The following DARS1 variants were observed in gnomAD, a reference collection of about 807,000 sequenced individuals.
The protein encoded by DARS1 is aspartyl-tRNA synthetase 1.
A neutral mutation model predicts 68.8 loss-of-function variants in DARS1; 51 were observed. The observed-to-expected ratio is 0.74, with a 90% confidence interval of 0.59 to 0.94. The LOEUF (loss-of-function observed/expected upper bound fraction) is 0.94, where lower values mean the gene tolerates loss of function less well. Among genes scored for constraint, DARS1 ranks in the 40% least tolerant of loss-of-function variants. The pLI, the probability that DARS1 is intolerant of heterozygous loss-of-function variation, is 0.00. For missense variants in DARS1, 607 were observed against 597.3 expected (o/e 1.02, Z -0.17); for synonymous variants, 203 against 190.4 (o/e 1.07, Z -0.55).
intron 3 of DARS1, among the ~76,000 whole-genome samples, chr2:135,978,142 C>CAAAAAAAAAAAAAAAAAAAA (rs59505882): frequency 1.8e-4 from 10 of 54,718 alleles, no homozygotes; most frequent in Non-Finnish European, 2.5e-4. Context: ...GACTCTGTCT[C>CAAAAAAAAAAAAAAAAAAAA]AAAAAAAAAA....
intron 3 of DARS1, among the ~76,000 whole-genome samples, chr2:135,968,122 T>C (rs1682279392): frequency 6.6e-6 from 1 of 151,970 alleles, no homozygotes; most frequent in Admixed American, 6.6e-5. Flanking sequence ...TAGCTGGATA[T>C]GGTGGTGCAT....
At chr2:135,922,696 C>T (rs967888764) in intron 9 of DARS1, 88 bp downstream of exon 9, 1 of 1,380,550 alleles carries the variant, frequency 7.2e-7, no homozygotes, top group African/African-American at 1.5e-5. Context: ...TTCAAAGTGT[C>T]TGTACATTAT....
At chr2:135,946,655 A>G (rs1330036916) in intron 4 of DARS1, among the ~76,000 whole-genome samples, 2 of 152,160 alleles carry the variant, frequency 1.3e-5, no homozygotes, top group Admixed American at 6.5e-5. Context: ...TCAAGGGTGA[A>G]GGTATAATTT....
chr2:135,971,253 G>C (rs1378505476), intron 3 of DARS1, among the ~76,000 whole-genome samples: 1 of 152,106 alleles, frequency 6.6e-6, no homozygotes, highest in Non-Finnish European at 1.5e-5. Context: ...GTGACCAAGT[G>C]GGATTTATCT....
chr2:135,941,972 T>G (rs1681608660), intron 5 of DARS1, among the ~76,000 whole-genome samples: 1 of 152,178 alleles, frequency 6.6e-6, no homozygotes, highest in African/African-American at 2.4e-5. Flanking sequence ...TCACACCAGT[T>G]AGAATGGCGA....
intron 4 of DARS1, 131 bp downstream of exon 4, chr2:135,961,265 T>C: frequency 1.6e-6 from 1 of 631,054 alleles, no homozygotes; most frequent in Non-Finnish European, 2.8e-6. Context: ...AACACTGAAC[T>C]GACAATTTAA....
chr2:135,931,483 C>T (rs1198075315), intron 7 of DARS1, among the ~76,000 whole-genome samples: 1 of 152,122 alleles, frequency 6.6e-6, no homozygotes, highest in African/African-American at 2.4e-5. Context: ...AGCATTCTTC[C>T]CACCTCAGGC....
At chr2:135,975,912 G>A (rs544747177) in intron 3 of DARS1, among the ~76,000 whole-genome samples, 1 of 152,240 alleles carries the variant, frequency 6.6e-6, no homozygotes, top group East Asian at 1.9e-4. Context: ...TTGCCTCACT[G>A]CACTCCAGCC....
chr2:135,907,656 A>G (rs1261156806), intron 15 of DARS1, among the ~76,000 whole-genome samples: 1 of 152,212 alleles, frequency 6.6e-6, no homozygotes, highest in East Asian at 1.9e-4. Flanking sequence ...TGAACCACAA[A>G]AATCTATACG....
intron 4 of DARS1, among the ~76,000 whole-genome samples, chr2:135,945,294 A>G (rs1303352690): frequency 1.3e-5 from 2 of 151,936 alleles, no homozygotes; most frequent in African/African-American, 4.8e-5. Context: ...TGCCTGGCTA[A>G]TTTTTGTATG....
chr2:135,973,018 C>A (rs1682414274), intron 3 of DARS1, among the ~76,000 whole-genome samples: 1 of 152,070 alleles, frequency 6.6e-6, no homozygotes, highest in Non-Finnish European at 1.5e-5. Flanking sequence ...TTTGGAGGTT[C>A]CTCAAAAAAC....
At chr2:135,917,054 G>A (rs564685657) in intron 10 of DARS1, among the ~76,000 whole-genome samples, 57 of 152,196 alleles carry the variant, frequency 3.7e-4, no homozygotes, top group African/African-American at 1.3e-3. Context: ...GGGTGTGGTC[G>A]GGAGGCTGAG....
intron 3 of DARS1, among the ~76,000 whole-genome samples, chr2:135,963,354 T>C (rs1467603380): frequency 1.3e-5 from 2 of 152,106 alleles, no homozygotes. Context: ...CGGAGCCCAA[T>C]TAATGTTAAC....
intron 7 of DARS1, among the ~76,000 whole-genome samples, chr2:135,925,645 AAAC>A (rs1211248167): frequency 6.6e-5 from 10 of 152,216 alleles, no homozygotes; most frequent in African/African-American, 2.2e-4. Flanking sequence ...GTTTCTCATA[AAAC>A]AATAAAACCA....
At chr2:135,937,151 C>T (rs563825244) in intron 5 of DARS1, among the ~76,000 whole-genome samples, 5 of 152,054 alleles carry the variant, frequency 3.3e-5, no homozygotes, top group African/African-American at 7.2e-5. Context: ...TGCAGTGGTG[C>T]GATCTTGGCT....
At position 135,983,458 on chromosome 2, in the gene DARS1, C is replaced by A; in HGVS notation, c.67-4G>T. The A allele has an allele frequency of 1.8e-6, 2 of 1,109,842 alleles. No individual in the cohort carries two copies. Among genetic ancestry groups the A allele is most frequent in the Admixed American group, 3.8e-5 (2 of 51,980 alleles). The allele number at this position is 1,109,842 out of a possible 1,614,324, so 68.7% of individuals were successfully genotyped here. On this transcript the variant is annotated splice_region_variant and splice_polypyrimidine_tract_variant and intron_variant, in intron 1 of 15. Transcript: ENST00000264161. ...CATATCTCTCTTTAGCATAATCCTA[C>A]AAAAAAAGTTTTTTGCATCGTGACT...
chr2:135,979,457 T>C, intron 2 of DARS1, 91 bp from the exon 3 acceptor site: 1 of 725,600 alleles, frequency 1.4e-6, no homozygotes. Flanking sequence ...ACAGCTAGCA[T>C]AAGTACTTGG....
chr2:135,907,289 A>C lies in DARS1; in HGVS notation c.*27T>G, dbSNP rs1365456989. On this transcript the variant is annotated 3_prime_UTR_variant, in exon 16 of 16. Coordinates refer to ENST00000264161, the MANE Select transcript of DARS1 (RefSeq NM_001349.4). ...GGCAGGGTCTCGCTCTGTCATCCAC[A>C]CTGGAGTTAAGTGGCAAAGTGTGAA... is the stretch of plus-strand genomic sequence containing the variant. 5 of 1,317,810 alleles carry C rather than the reference A, an allele frequency of 3.8e-6. No individual in the cohort carries two copies. The African/African-American group carries it at 6.7e-5, about 18-fold the overall frequency. The allele number at this position is 1,317,810 out of a possible 1,614,324, so 81.6% of individuals were successfully genotyped here.
intron 11 of DARS1, 200 bp from the exon 12 acceptor site, chr2:135,914,711 T>C: frequency 1.9e-6 from 1 of 516,650 alleles, no homozygotes; most frequent in Non-Finnish European, 3.6e-6. Flanking sequence ...GACTCAGTGC[T>C]TAGTAGATGC....
Sources: allele counts gnomAD v4.1 joint callset (sites outside exome capture counted in the v4.1 genomes callset), GRCh38; gene constraint gnomAD v4.1.1; transcripts MANE v1.5; gene names NCBI Gene and HGNC (gene_info 2026-07-23, HGNC 2026-07-21).